The following DZIP1L variants were observed in gnomAD, a reference collection of about 807,000 sequenced individuals.
DZIP1L encodes the protein cilium assembly protein DZIP1L.
Under a neutral mutation model 88.7 loss-of-function variants are expected in DZIP1L, and 90 were observed. That is an observed-to-expected ratio of 1.02 (90% confidence interval 0.86 to 1.21). The LOEUF (loss-of-function observed/expected upper bound fraction) is 1.21. Among genes scored for constraint, DZIP1L ranks in the 50% most tolerant of loss-of-function variants. The pLI is 0.00. For synonymous variants in DZIP1L, 363 were observed against 372.1 expected, an observed-to-expected ratio of 0.98 and a Z score of 0.28; for missense variants, 932 against 955.8, an observed-to-expected ratio of 0.98 and a Z score of 0.33.
At chr3:138,106,332 G>T (rs1019274369) in intron 1 of DZIP1L, among the ~76,000 whole-genome samples, 1 of 149,782 alleles carries the variant, frequency 6.7e-6, no homozygotes, top group Admixed American at 6.6e-5. Flanking sequence ...TAGAGACAGG[G>T]TTTCACTATG....
rs1028122818 is a variant in DZIP1L, at chr3:138,063,358, A to C, written c.2143-381T>G. ...TGTTCCAAGTTCGCGAGCTGAATGCACTGTGGGCTAATGACCCGCCTCCTC... is the reference window on the plus strand; with the variant it reads ...TGTTCCAAGTTCGCGAGCTGAATGCCCTGTGGGCTAATGACCCGCCTCCTC... On this transcript the variant is annotated intron_variant, in intron 15 of 15. Transcript: ENST00000327532. This position sits in a 1 kb window ranked among gnomAD's most constrained non-coding sequence, Gnocchi z 4.1. Among the ~76,000 whole-genome samples, 1 of 152,214 alleles carries C rather than the reference A, an allele frequency of 6.6e-6. No individual in the cohort carries two copies. The highest frequency in any genetic ancestry group is 1.5e-5 in the Non-Finnish European group (1 of 68,038).
At chr3:138,087,462 T>C (rs554858994) in intron 6 of DZIP1L, among the ~76,000 whole-genome samples, 1 of 152,286 alleles carries the variant, frequency 6.6e-6, no homozygotes, top group African/African-American at 2.4e-5. Flanking sequence ...GGCCAAACCA[T>C]AATACACAAA....
chr3:138,102,238 G>A, intron 2 of DZIP1L: 1 of 1,423,670 alleles, frequency 7.0e-7, no homozygotes, highest in Non-Finnish European at 9.9e-7. Flanking sequence ...TCTTCATACA[G>A]CTGCCTGAGG....
At chr3:138,086,006 A>G (rs892944433) in intron 7 of DZIP1L, among the ~76,000 whole-genome samples, 3 of 152,200 alleles carry the variant, frequency 2.0e-5, no homozygotes, top group East Asian at 1.9e-4. Flanking sequence ...CTATCACAAG[A>G]ACAAAAAACC....
At chr3:138,072,402 T>C (rs1182648390) in intron 11 of DZIP1L, among the ~76,000 whole-genome samples, 1 of 152,160 alleles carries the variant, frequency 6.6e-6, no homozygotes, top group Admixed American at 6.5e-5. Flanking sequence ...AATGTCTTAA[T>C]CAAATCTGAA....
intron 12 of DZIP1L, 153 bp downstream of exon 12, chr3:138,071,490 T>C (rs1943175979): frequency 2.5e-6 from 2 of 809,562 alleles, no homozygotes; most frequent in South Asian, 4.8e-5. Context: ...ACTTCTGGAC[T>C]CAGTCCCCTG....
chr3:138,099,485 G>C (rs752631835), intron 2 of DZIP1L, among the ~76,000 whole-genome samples: 1 of 152,190 alleles, frequency 6.6e-6, no homozygotes, highest in East Asian at 1.9e-4. Flanking sequence ...TTTGGTCTTA[G>C]AGATTCTGAG....
chr3:138,075,890 C>T (rs1055894278), intron 11 of DZIP1L, among the ~76,000 whole-genome samples: 12 of 151,890 alleles, frequency 7.9e-5, no homozygotes, highest in African/African-American at 2.4e-4. Flanking sequence ...ACCAGGGAGT[C>T]GGAGGTTGCA....
intron 7 of DZIP1L, 103 bp downstream of exon 7, chr3:138,086,858 G>A: frequency 8.1e-7 from 1 of 1,228,084 alleles, no homozygotes; most frequent in Non-Finnish European, 1.2e-6. Context: ...ACCAGTTCCA[G>A]GTGAGATAGG....
intron 1 of DZIP1L, among the ~76,000 whole-genome samples, chr3:138,111,097 G>A (rs6786304): frequency 0.029 from 4,431 of 152,292 alleles, 232 homozygotes; most frequent in African/African-American, 0.1. Flanking sequence ...CTTTACAGGG[G>A]CTGAGACCAT....
intron 11 of DZIP1L, 125 bp from the exon 12 acceptor site, chr3:138,071,960 G>T: frequency 1.1e-6 from 1 of 902,908 alleles, no homozygotes; most frequent in Non-Finnish European, 1.6e-6. Context: ...TTTCTTGCAG[G>T]ACTGGGGGGC....
At chr3:138,109,055 T>C (rs971153548) in intron 1 of DZIP1L, among the ~76,000 whole-genome samples, 1 of 152,194 alleles carries the variant, frequency 6.6e-6, no homozygotes, top group African/African-American at 2.4e-5. Context: ...AAACCACTAT[T>C]GAGCTCCAGC....
At chr3:138,067,234 G>C (rs1942950207) in intron 14 of DZIP1L, among the ~76,000 whole-genome samples, 1 of 152,166 alleles carries the variant, frequency 6.6e-6, no homozygotes, top group Non-Finnish European at 1.5e-5. Flanking sequence ...AAAGAACATG[G>C]AGGAGAAAAG....
chr3:138,063,462 C>T lies in DZIP1L; in HGVS notation c.2143-485G>A, dbSNP rs1220053140. Among the ~76,000 whole-genome samples, 1 of 152,214 alleles carries T rather than the reference C, an allele frequency of 6.6e-6. No homozygotes were observed. Among genetic ancestry groups the T allele is most frequent in the Admixed American group, 6.5e-5 (1 of 15,284 alleles). On this transcript the variant is annotated intron_variant, in intron 15 of 15. Transcript: ENST00000327532. This position sits in a 1 kb window ranked among gnomAD's most constrained non-coding sequence, Gnocchi z 4.1. ...GAGCTTGGGAGCAACAGGAGTCCTT[C>T]AGCCTGGAAGGGTCTGCACTGCAGC...
At chr3:138,106,717 A>AGCTACTCGGGAG (rs2042502235) in intron 1 of DZIP1L, among the ~76,000 whole-genome samples, 1 of 152,048 alleles carries the variant, frequency 6.6e-6, no homozygotes, top group Non-Finnish European at 1.5e-5. Flanking sequence ...CTGTAGTCCC[A>AGCTACTCGGGAG]GCTACTCGGG....
rs370158907 is a variant in DZIP1L, at chr3:138,070,162, A to G, written c.1615+1481T>C. Among the ~76,000 whole-genome samples, 328 of 151,980 alleles carry G rather than the reference A, an allele frequency of 2.2e-3. 2 individuals are homozygous for G. Among genetic ancestry groups the G allele is most frequent in the African/African-American group, 7.3e-3 (302 of 41,444 alleles). ...TGTCCCCTCCCTCCTCTGAGCTCCC[A>G]CCACCCCCATGCTTGGCTCCATCAC... On this transcript the variant is annotated intron_variant, in intron 12 of 15. Transcript: ENST00000327532.
At chr3:138,103,041 C>T (rs887672084) in intron 2 of DZIP1L, 1 of 434,034 alleles carries the variant, frequency 2.3e-6, no homozygotes, top group Non-Finnish European at 4.3e-6. Context: ...AGAGTTGTAT[C>T]CTTTATAACA....
intron 5 of DZIP1L, among the ~76,000 whole-genome samples, chr3:138,090,388 C>T (rs778577052): frequency 2.6e-5 from 4 of 152,080 alleles, no homozygotes; most frequent in Non-Finnish European, 4.4e-5. Context: ...GCTAGCACTG[C>T]GTCGGGGAAG....
intron 2 of DZIP1L, chr3:138,102,245 G>A (rs756692330): frequency 2.1e-6 from 3 of 1,432,116 alleles, no homozygotes; most frequent in African/African-American, 1.4e-5. Flanking sequence ...ACAGCTGCCT[G>A]AGGAAGTTGA....
Sources: allele counts gnomAD v4.1 joint callset (sites outside exome capture counted in the v4.1 genomes callset), GRCh38; gene constraint gnomAD v4.1.1; non-coding constraint Gnocchi (gnomAD v3.1); transcripts MANE v1.5; gene names NCBI Gene and HGNC (gene_info 2026-07-23, HGNC 2026-07-21).